PRELID2: variants seen among roughly 807,000 people sequenced by gnomAD.
PRELID2 encodes the protein PRELI domain containing 2, also known as PRELI domain-containing protein 2.
PRELID2 carries 25 observed loss-of-function variants against 28.4 expected under a neutral mutation model. The observed-to-expected ratio is 0.88, with a 90% CI of 0.64 to 1.23. The LOEUF (loss-of-function observed/expected upper bound fraction) is 1.23. Among genes scored for constraint, PRELID2 ranks in the 50% most tolerant of loss-of-function variants. The probability of loss-of-function intolerance (pLI) is 0.00; values close to 1 mark genes in which losing one functional copy is unlikely to be tolerated. For missense variants in PRELID2, 201 were observed against 214.4 expected (o/e 0.94, Z 0.39); for synonymous variants, 76 against 71.6 (o/e 1.06, Z -0.31).
chr5:145,308,585 G>A, the PRELID2 span, among the ~76,000 whole-genome samples: 27 of 151,536 alleles, frequency 1.8e-4, no homozygotes, highest in East Asian at 9.7e-4. Flanking sequence ...CTGTGGACAC[G>A]TAGGTGCAGA....
intron 4 of PRELID2, among the ~76,000 whole-genome samples, chr5:145,806,052 G>C (rs1753481675): frequency 6.6e-6 from 1 of 152,154 alleles, no homozygotes; most frequent in Non-Finnish European, 1.5e-5. Flanking sequence ...CAAAGGTCTA[G>C]GATATTACTG....
the PRELID2 span, among the ~76,000 whole-genome samples, chr5:145,296,259 T>C: frequency 1.3e-5 from 2 of 151,932 alleles, no homozygotes. Context: ...GTTACATATG[T>C]ATACATGTGC....
chr5:145,555,434 G>A lies in PRELID2; in HGVS notation n.71-82119C>T, dbSNP rs78335981. On this transcript the variant is annotated intron_variant and non_coding_transcript_variant, in intron 1 of 2. Coordinates refer to the PRELID2 transcript ENST00000510259. ...TCTACTAAATGCCAGTTATTTGCTA[G>A]TCACTTCAAACAATGTCAATACGTA... Among the ~76,000 whole-genome samples, 1,274 of 152,312 alleles carry A rather than the reference G, an allele frequency of 8.4e-3. 7 individuals are homozygous for A. The highest frequency in any genetic ancestry group is 0.01 in the African/African-American group (419 of 41,566).
intron 1 of PRELID2, among the ~76,000 whole-genome samples, chr5:145,530,736 T>A (rs966167530): frequency 6.6e-6 from 1 of 152,020 alleles, no homozygotes; most frequent in African/African-American, 2.4e-5. Flanking sequence ...ACACAATCAC[T>A]AACTTAGAAA....
chr5:145,460,600 C>A, the PRELID2 span, among the ~76,000 whole-genome samples: 2 of 152,146 alleles, frequency 1.3e-5, no homozygotes, highest in Non-Finnish European at 2.9e-5. Flanking sequence ...TCATTCACTT[C>A]ACAAATACTT....
chr5:145,587,696 C>G (rs1753173091), intron 1 of PRELID2, among the ~76,000 whole-genome samples: 1 of 152,062 alleles, frequency 6.6e-6, no homozygotes, highest in African/African-American at 2.4e-5. Flanking sequence ...TAAGGTACAC[C>G]AAGCAAACTT....
the PRELID2 span, among the ~76,000 whole-genome samples, chr5:145,377,793 G>T: frequency 6.6e-6 from 1 of 152,040 alleles, no homozygotes; most frequent in South Asian, 2.1e-4. Flanking sequence ...AATGGGTCTT[G>T]GTTCATTATT....
At chr5:145,725,278 TA>T (rs1013106345) in intron 1 of PRELID2, among the ~76,000 whole-genome samples, 21 of 152,118 alleles carry the variant, frequency 1.4e-4, no homozygotes, top group African/African-American at 4.3e-4. Flanking sequence ...AATTCACATT[TA>T]AAAAACAATG....
chr5:145,316,010 T>C, the PRELID2 span, among the ~76,000 whole-genome samples: 1 of 152,222 alleles, frequency 6.6e-6, no homozygotes, highest in Non-Finnish European at 1.5e-5. Context: ...CTCTTGTATC[T>C]ATATGATGGA....
intron 1 of PRELID2, among the ~76,000 whole-genome samples, chr5:145,519,280 T>C (rs189310811): frequency 6.4e-4 from 98 of 152,292 alleles, no homozygotes; most frequent in African/African-American, 2.2e-3. Context: ...ATTTAAGAGG[T>C]ATCTTGAATG....
chr5:145,418,042 C>A, the PRELID2 span, among the ~76,000 whole-genome samples: 2 of 152,158 alleles, frequency 1.3e-5, no homozygotes, highest in Admixed American at 6.5e-5. Flanking sequence ...GCAACTTCAG[C>A]AAAGTCTCAG....
At chr5:145,817,222 T>TATATATATAC (rs1754409462) in intron 4 of PRELID2, among the ~76,000 whole-genome samples, 1 of 113,486 alleles carries the variant, frequency 8.8e-6, no homozygotes. Flanking sequence ...TAAAAAAAAA[T>TATATATATAC]ATATATATAT....
intron 1 of PRELID2, among the ~76,000 whole-genome samples, chr5:145,562,297 T>C (rs1015167075): frequency 2.6e-5 from 4 of 152,232 alleles, no homozygotes; most frequent in African/African-American, 4.8e-5. Flanking sequence ...TCTTCCTTGT[T>C]GAAATTAGTC....
At chr5:145,244,213 C>T in the PRELID2 span, among the ~76,000 whole-genome samples, 1 of 152,068 alleles carries the variant, frequency 6.6e-6, no homozygotes, top group Non-Finnish European at 1.5e-5. Flanking sequence ...CCTTAGCCTC[C>T]CAAAGTGCTG....
At chr5:145,279,020 C>T in the PRELID2 span, among the ~76,000 whole-genome samples, 9 of 152,176 alleles carry the variant, frequency 5.9e-5, no homozygotes, top group Middle Eastern at 0.01. Flanking sequence ...TAACAGGAGC[C>T]GGCTATTCAA....
intron 1 of PRELID2, among the ~76,000 whole-genome samples, chr5:145,678,532 C>T (rs1255516597): frequency 6.6e-6 from 1 of 152,126 alleles, no homozygotes; most frequent in East Asian, 1.9e-4. Context: ...AATCATAATG[C>T]TAAATATGTA....
intron 1 of PRELID2, among the ~76,000 whole-genome samples, chr5:145,501,908 T>G (rs2126634532): frequency 6.6e-6 from 1 of 152,268 alleles, no homozygotes; most frequent in East Asian, 1.9e-4. Flanking sequence ...TGGAAAAATA[T>G]TCCTTTTGTC....
chr5:145,697,331 A>T (rs893303026), intron 1 of PRELID2, among the ~76,000 whole-genome samples: 4 of 151,874 alleles, frequency 2.6e-5, no homozygotes, highest in Admixed American at 6.6e-5. Flanking sequence ...GAGTCAGTGC[A>T]TTCACAGGTG....
Position 145,823,545 on chromosome 5 carries a change from C to A in PRELID2, c.76-411G>T, listed in dbSNP as rs534432390. Among the ~76,000 whole-genome samples the A allele has an allele frequency of 3.9e-4, 60 of 152,262 alleles. 1 individual carries two copies. The East Asian group carries it at 0.011, about 28-fold the overall frequency. ...AACTGATTTATGTGATACCACCATCCCCATCTTTCAGATACGGAAACTGAA... is the reference window on the plus strand; with the variant it reads ...AACTGATTTATGTGATACCACCATCACCATCTTTCAGATACGGAAACTGAA... On this transcript the variant is annotated intron_variant, in intron 1 of 6. Coordinates refer to ENST00000683046, the MANE Select transcript of PRELID2 (RefSeq NM_205846.3).
Sources: gnomAD v4.1 joint callset for allele counts (sites outside exome capture counted in the v4.1 genomes callset) on GRCh38, gnomAD v4.1.1 for gene constraint, MANE v1.5 for transcripts, NCBI Gene and HGNC (gene_info 2026-07-23, HGNC 2026-07-21) for gene names.